CELF2: variants seen among roughly 807,000 people sequenced by gnomAD.
CELF2 encodes CUGBP Elav-like family member 2, also known as CUG triplet repeat RNA-binding protein 2.
In CELF2, 8 loss-of-function variants were observed where a neutral mutation model predicts 62.6. The ratio of observed to expected loss-of-function variants is 0.13; its 90% CI spans 0.07 to 0.23. CELF2 has a LOEUF of 0.23. Among genes scored for constraint, CELF2 ranks in the 10% least tolerant of loss-of-function variants. The pLI is 1.00. For synonymous variants in CELF2, 258 were observed against 250.0 expected (o/e 1.03, Z -0.30); for missense variants, 333 against 671.0 (o/e 0.50, Z 5.56).
Position 11,165,436 on chromosome 10 carries a change from G to T in CELF2, c.75-50G>T, listed in dbSNP as rs758732185. 67 of 1,543,432 alleles carry T rather than the reference G, an allele frequency of 4.3e-5. No homozygotes were observed. Among genetic ancestry groups the T allele is most frequent in the South Asian group, 6.1e-5 (5 of 82,488 alleles). On this transcript the variant is annotated intron_variant, in intron 1 of 12. Transcript: ENST00000633077. The surrounding 1 kb of genome is among the most constrained non-coding windows in gnomAD (Gnocchi z 7.4). ...CCCACCCCCACTATTTTTTCTTCCT[G>T]TCCCTCATCGTGCCGCCCTAACTCT...
At chr10:11,052,062 C>T (rs1161886435) in intron 1 of CELF2, among the ~76,000 whole-genome samples, 1 of 151,970 alleles carries the variant, frequency 6.6e-6, no homozygotes, top group African/African-American at 2.4e-5. Context: ...TGCAATGCCA[C>T]GCTGGCTAAT....
At chr10:10,978,381 TA>T (rs1387087908) in intron 2 of CELF2, among the ~76,000 whole-genome samples, 1 of 152,188 alleles carries the variant, frequency 6.6e-6, no homozygotes, top group South Asian at 2.1e-4. Flanking sequence ...AAATTGGTGT[TA>T]AAAACCAGGG....
chr10:10,696,377 C>G, the CELF2 span, among the ~76,000 whole-genome samples: 1 of 151,642 alleles, frequency 6.6e-6, no homozygotes, highest in African/African-American at 2.4e-5. Context: ...TCTCCAGCTG[C>G]ATGCTGGGAG....
At chr10:11,292,081 G>A (rs905619276) in intron 9 of CELF2, among the ~76,000 whole-genome samples, 2 of 152,124 alleles carry the variant, frequency 1.3e-5, no homozygotes, top group Non-Finnish European at 2.9e-5. Flanking sequence ...ATGGTACAAG[G>A]CATTCTAAAA....
intron 1 of CELF2, among the ~76,000 whole-genome samples, chr10:11,025,901 C>G (rs901059141): frequency 6.6e-6 from 1 of 152,254 alleles, no homozygotes; most frequent in South Asian, 2.1e-4. Context: ...GACAACCTCA[C>G]TCTGGCAGTT....
the CELF2 span, among the ~76,000 whole-genome samples, chr10:10,750,418 G>A: frequency 6.6e-6 from 1 of 152,186 alleles, no homozygotes; most frequent in Non-Finnish European, 1.5e-5. Context: ...GAAAGATTCT[G>A]AACCAGGGAA....
chr10:10,669,637 A>G, the CELF2 span, among the ~76,000 whole-genome samples: 1 of 152,246 alleles, frequency 6.6e-6, no homozygotes, highest in Non-Finnish European at 1.5e-5. Flanking sequence ...CAGGTCTATC[A>G]TCTGCTATCA....
the CELF2 span, among the ~76,000 whole-genome samples, chr10:10,666,265 A>G: frequency 6.6e-6 from 1 of 152,166 alleles, no homozygotes; most frequent in African/African-American, 2.4e-5. Context: ...AGATGCCACT[A>G]GTCAACTCAC....
At chr10:10,721,348 G>A in the CELF2 span, among the ~76,000 whole-genome samples, 2 of 152,224 alleles carry the variant, frequency 1.3e-5, no homozygotes, top group East Asian at 1.9e-4. Flanking sequence ...TAATCTACAC[G>A]GAGATACACT....
chr10:11,226,081 G>A (rs1358407386), intron 3 of CELF2, among the ~76,000 whole-genome samples: 3 of 152,190 alleles, frequency 2.0e-5, no homozygotes, highest in East Asian at 1.9e-4. Context: ...TGGAATGGGC[G>A]TGGCTTAAGA....
chr10:10,994,602 A>C (rs1729476441), intron 2 of CELF2, among the ~76,000 whole-genome samples: 1 of 152,178 alleles, frequency 6.6e-6, no homozygotes, highest in Non-Finnish European at 1.5e-5. Flanking sequence ...TTCTATTCTT[A>C]AACGAGCACA....
chr10:11,054,734 C>A (rs571409443), intron 1 of CELF2, among the ~76,000 whole-genome samples: 3 of 151,944 alleles, frequency 2.0e-5, no homozygotes, highest in Admixed American at 2.0e-4. Flanking sequence ...TGGTTTTTTT[C>A]TTTGGAGTCT....
chr10:11,213,578 CT>C (rs1187094016), intron 2 of CELF2, among the ~76,000 whole-genome samples: 1 of 152,122 alleles, frequency 6.6e-6, no homozygotes, highest in Non-Finnish European at 1.5e-5. Flanking sequence ...GAAATATTGT[CT>C]GCAGGTGGGT....
chr10:11,057,267 G>A (rs985267023), intron 1 of CELF2, among the ~76,000 whole-genome samples: 6 of 152,006 alleles, frequency 3.9e-5, no homozygotes, highest in African/African-American at 1.5e-4. Context: ...GCGATGCCTG[G>A]GCCTCTAGAG....
chr10:11,333,780 TTTG>T lies in CELF2; in HGVS notation c.*4733_*4735del, dbSNP rs966935390. On this transcript the variant is annotated 3_prime_UTR_variant, in exon 13 of 13. Transcript: ENST00000633077. ...GTTTGTTTTATTGATGCATTTGGAT[TTTG>T]TTGTTTGATGGAATTTGAGCCAAAA... 4 of 152,588 alleles carry T rather than the reference TTTG, an allele frequency of 2.6e-5. No homozygotes were observed. The highest frequency in any genetic ancestry group is 1.3e-4 in the Admixed American group (2 of 15,284). The allele number at this position is 152,588 out of a possible 1,614,324, so 9.5% of individuals were successfully genotyped here. A position where few individuals can be genotyped will look rare whatever the true frequency, so the allele number is the denominator to read the frequency against.
At chr10:10,494,690 G>C in the CELF2 span, among the ~76,000 whole-genome samples, 1 of 152,102 alleles carries the variant, frequency 6.6e-6, no homozygotes, top group Non-Finnish European at 1.5e-5. Flanking sequence ...GGTTTTTTGA[G>C]CATCTGTTCT....
At chr10:10,513,217 G>A in the CELF2 span, among the ~76,000 whole-genome samples, 1 of 151,920 alleles carries the variant, frequency 6.6e-6, no homozygotes, top group Admixed American at 6.6e-5. Flanking sequence ...TTTTTTTATT[G>A]TTATGAACAT....
At chr10:11,239,927 C>T (rs2073160136) in intron 3 of CELF2, among the ~76,000 whole-genome samples, 1 of 152,084 alleles carries the variant, frequency 6.6e-6, no homozygotes, top group South Asian at 2.1e-4. Context: ...GGTGCAGGCG[C>T]CTGTAATCCC....
intron 1 of CELF2, among the ~76,000 whole-genome samples, chr10:11,085,609 GCA>G (rs1056938793): frequency 6.6e-6 from 1 of 152,038 alleles, no homozygotes; most frequent in African/African-American, 2.4e-5. Flanking sequence ...GGCCGTTGAG[GCA>G]CAGAGAGTTG....
Sources: gnomAD v4.1 joint callset for allele counts (sites outside exome capture counted in the v4.1 genomes callset) on GRCh38, gnomAD v4.1.1 for gene constraint, Gnocchi (gnomAD v3.1) non-coding constraint, MANE v1.5 for transcripts, NCBI Gene and HGNC (gene_info 2026-07-23, HGNC 2026-07-21) for gene names.